The following TRAF6 variants were observed in gnomAD, a reference collection of about 807,000 sequenced individuals.
The protein encoded by TRAF6 is TNF receptor-associated factor 6.
Under a neutral mutation model 48.4 loss-of-function variants are expected in TRAF6, and 10 were observed. The observed-to-expected ratio is 0.21, with a 90% confidence interval of 0.13 to 0.35. TRAF6 has a LOEUF of 0.35. Among genes scored for constraint, TRAF6 ranks in the 10% least tolerant of loss-of-function variants. The pLI is 1.00. For synonymous variants in TRAF6, 186 were observed against 219.6 expected, an observed-to-expected ratio of 0.85 and a Z score of 1.35; for missense variants, 397 against 661.0, an observed-to-expected ratio of 0.60 and a Z score of 4.38.
At position 36,490,689 on chromosome 11, in the gene TRAF6, C is replaced by T; in HGVS notation, c.757-39G>A. 1 of 1,557,382 alleles carries T rather than the reference C, an allele frequency of 6.4e-7. No individual in the cohort carries two copies. The highest frequency in any genetic ancestry group is 1.2e-5 in the South Asian group (1 of 83,084). ...ACAAGCCTTAGGCTGGGAATAGATA[C>T]CGTGAGGAGTAGGAAAAGGACCTGG... On this transcript the variant is annotated intron_variant, in intron 6 of 6. Transcript: ENST00000526995. This position sits in a 1 kb window ranked among gnomAD's most constrained non-coding sequence, Gnocchi z 6.4.
At chr11:36,497,350 T>G in intron 3 of TRAF6, 84 bp from the exon 4 acceptor site, 4 of 1,314,026 alleles carry the variant, frequency 3.0e-6, no homozygotes, top group Non-Finnish European at 4.1e-6. Context: ...TACTGTTCTC[T>G]TTCAGCAGGC....
At chr11:36,492,504 AT>A (rs200644665) in intron 6 of TRAF6, 46 bp downstream of exon 6, 492 of 1,381,946 alleles carry the variant, frequency 3.6e-4, no homozygotes, top group Non-Finnish European at 4.0e-4. Context: ...TGATGTAAAT[AT>A]TTTTTTTTAC....
In TRAF6 at chr11:36,489,691, G is replaced by A. The variant is rs1332975154; in HGVS notation, c.*147C>T. On this transcript the variant is annotated 3_prime_UTR_variant, in exon 7 of 7. Transcript: ENST00000526995. The stretch of plus-strand genomic sequence containing the variant: ...AACTGCCTCAGATCATTTGTAACAG[G>A]AAGAAATAGTAAGTGACCTCTCTAA... The A allele has an allele frequency of 1.1e-6, 1 of 906,630 alleles. No homozygotes were observed. The highest frequency in any genetic ancestry group is 1.7e-6 in the Non-Finnish European group (1 of 589,068). The allele number at this position is 906,630 out of a possible 1,614,324, so 56.2% of individuals were successfully genotyped here. A position where few individuals can be genotyped will look rare whatever the true frequency, so the allele number is the denominator to read the frequency against.
intron 4 of TRAF6, 97 bp downstream of exon 4, chr11:36,497,011 G>A: frequency 7.9e-7 from 1 of 1,271,274 alleles, no homozygotes; most frequent in Non-Finnish European, 1.1e-6. Flanking sequence ...CTCAGAGTCG[G>A]AGTCACATCC....
chr11:36,491,535 T>C (rs1269429758), intron 6 of TRAF6, among the ~76,000 whole-genome samples: 1 of 152,324 alleles, frequency 6.6e-6, no homozygotes, highest in East Asian at 1.9e-4. Flanking sequence ...AAAAGTATAA[T>C]GGAAAACCAA....
Position 36,501,479 on chromosome 11 carries a change from T to C in TRAF6, c.37A>G (p.Ser13Gly). 6.2e-7 allele frequency: 1 copy of C among 1,612,546 alleles called. No homozygotes were observed. The highest frequency in any genetic ancestry group is 8.5e-7 in the Non-Finnish European group (1 of 1,178,746). Residue 13 changes from serine to glycine, a missense_variant, in exon 2 of 7, where the codon AGC becomes GGC. Transcript: ENST00000526995. ...LLNCENSCGSSQSESDCCVAM... is the reference protein window; with the variant it reads ...LLNCENSCGSGQSESDCCVAM... ...ACACAGCAGTCACTTTCAGACTGGC[T>C]GGATCCACAGCTGTTTTCACAGTTT...
chr11:36,501,649 G>C, intron 1 of TRAF6, 112 bp from the exon 2 acceptor site: 2 of 805,178 alleles, frequency 2.5e-6, no homozygotes, highest in Non-Finnish European at 3.6e-6. Context: ...ATGTACATCA[G>C]CTGTATTAAT....
intron 4 of TRAF6, among the ~76,000 whole-genome samples, chr11:36,495,680 G>A (rs1026039623): frequency 6.6e-6 from 1 of 152,090 alleles, no homozygotes; most frequent in African/African-American, 2.4e-5. Flanking sequence ...ATCACCTGAG[G>A]TCAGGAGTTC....
At chr11:36,494,347 T>G (rs1473812792) in intron 5 of TRAF6, among the ~76,000 whole-genome samples, 1 of 152,136 alleles carries the variant, frequency 6.6e-6, no homozygotes, top group Non-Finnish European at 1.5e-5. Flanking sequence ...CACTCCAGCT[T>G]AGGCAACAGA....
chr11:36,501,576 C>T, intron 1 of TRAF6, 39 bp from the exon 2 acceptor site: 2 of 1,383,692 alleles, frequency 1.4e-6, no homozygotes, highest in Non-Finnish European at 2.0e-6. Context: ...TTATAAGTAA[C>T]ACACACACTC....
chr11:36,490,203 G>A lies in TRAF6; in HGVS notation c.1204C>T (p.Arg402Cys), dbSNP rs548543739. 5 of 1,614,156 alleles carry A rather than the reference G, an allele frequency of 3.1e-6. No individual in the cohort carries two copies. Among genetic ancestry groups the A allele is most frequent in the Middle Eastern group, 1.6e-4 (1 of 6,062 alleles). ...AAAAGGGATATATAGTTTGCACAGCGCTGAGCAGTCGGTAACTGAAGGTGC... is the reference window on the plus strand; with the variant it reads ...AAAAGGGATATATAGTTTGCACAGCACTGAGCAGTCGGTAACTGAAGGTGC... ...RLHLQLPTAQRCANYISLFVH... is the reference protein window; with the variant it reads ...RLHLQLPTAQCCANYISLFVH... Residue 402 changes from arginine to cysteine, a missense_variant, in exon 7 of 7, where the codon CGC (arginine) becomes TGC (cysteine). By Grantham distance (180) the Arg-to-Cys change is radical. Coordinates refer to ENST00000526995, the MANE Select transcript of TRAF6 (RefSeq NM_004620.4). This position sits in a 1 kb window ranked among gnomAD's most constrained non-coding sequence, Gnocchi z 6.4.
At position 36,488,577 on chromosome 11, in the gene TRAF6, A is replaced by G. The variant is rs1859519701; in HGVS notation, c.*1261T>C. On this transcript the variant is annotated 3_prime_UTR_variant, in exon 7 of 7. Coordinates refer to ENST00000526995, the MANE Select transcript of TRAF6 (RefSeq NM_004620.4). Reference sequence around the variant, plus strand: ...GTCTCCCTGAGAACTAGATTCCACGATATTTTATATCTATATATAGGCCTT... The same window carrying G: ...GTCTCCCTGAGAACTAGATTCCACGGTATTTTATATCTATATATAGGCCTT... The G allele has an allele frequency of 6.6e-6, 1 of 152,314 alleles. No individual in the cohort carries two copies. The highest frequency in any genetic ancestry group is 6.6e-5 in the Admixed American group (1 of 15,266). The allele number at this position is 152,314 out of a possible 1,614,324, so 9.4% of individuals were successfully genotyped here. A position where few individuals can be genotyped will look rare whatever the true frequency, so the allele number is the denominator to read the frequency against.
chr11:36,488,082 A>G lies in TRAF6; in HGVS notation c.*1756T>C, dbSNP rs1859510811. 6.6e-6 allele frequency: 1 copy of G among 152,216 alleles called. No individual in the cohort carries two copies. Among genetic ancestry groups the G allele is most frequent in the Non-Finnish European group, 1.5e-5 (1 of 68,042 alleles). The allele number at this position is 152,216 out of a possible 1,614,324, so 9.4% of individuals were successfully genotyped here. On this transcript the variant is annotated 3_prime_UTR_variant, in exon 7 of 7. Coordinates refer to ENST00000526995, the MANE Select transcript of TRAF6 (RefSeq NM_004620.4). ...TTGACAATTATTTATTCATTGTAAAATAATCACAGGAACAGCAGCAGTGTA... is the reference window on the plus strand; with the variant it reads ...TTGACAATTATTTATTCATTGTAAAGTAATCACAGGAACAGCAGCAGTGTA...
intron 1 of TRAF6, among the ~76,000 whole-genome samples, chr11:36,509,184 G>A (rs922009733): frequency 6.6e-6 from 1 of 152,214 alleles, no homozygotes. Flanking sequence ...CATGGAACCT[G>A]TGTAACAAGA....
intron 1 of TRAF6, among the ~76,000 whole-genome samples, chr11:36,504,246 G>C (rs1020669215): frequency 6.6e-6 from 1 of 152,144 alleles, no homozygotes; most frequent in Non-Finnish European, 1.5e-5. Context: ...GATGCTGTTT[G>C]ATAGCATTTT....
At chr11:36,495,179 G>A in intron 4 of TRAF6, 132 bp from the exon 5 acceptor site, 1 of 608,428 alleles carries the variant, frequency 1.6e-6, no homozygotes, top group Non-Finnish European at 2.9e-6. Flanking sequence ...AAAAGTGAGT[G>A]AAAGTGAGAG....
intron 6 of TRAF6, among the ~76,000 whole-genome samples, chr11:36,492,228 T>G (rs2133666321): frequency 6.6e-6 from 1 of 152,334 alleles, no homozygotes; most frequent in South Asian, 2.1e-4. Flanking sequence ...TGGGTTGAAC[T>G]AGCACAACAC....
chr11:36,501,058 T>C (rs1859708879), intron 2 of TRAF6, among the ~76,000 whole-genome samples, 162 bp downstream of exon 2: 1 of 152,170 alleles, frequency 6.6e-6, no homozygotes, highest in South Asian at 2.1e-4. Flanking sequence ...CAGTGGAAAC[T>C]GGGATAAGAA....
In TRAF6 at chr11:36,498,650, A is replaced by C. The variant is rs1465296384; in HGVS notation, c.297-10T>G. The C allele has an allele frequency of 3.8e-6, 6 of 1,597,862 alleles. No homozygotes were observed. The highest frequency in any genetic ancestry group is 5.1e-6 in the Non-Finnish European group (6 of 1,174,454). Reference sequence around the variant, plus strand: ...TTTGTGACCTGCATCCCTAACAGAAACAAAATACACACAATTAGATTTAAA... The same window carrying C: ...TTTGTGACCTGCATCCCTAACAGAACCAAAATACACACAATTAGATTTAAA... On this transcript the variant is annotated splice_polypyrimidine_tract_variant and intron_variant, in intron 2 of 6. Coordinates refer to ENST00000526995, the MANE Select transcript of TRAF6 (RefSeq NM_004620.4).
Sources: gnomAD v4.1 joint callset for allele counts (sites outside exome capture counted in the v4.1 genomes callset) on GRCh38, gnomAD v4.1.1 for gene constraint, Gnocchi (gnomAD v3.1) non-coding constraint, MANE v1.5 for transcripts, NCBI Gene and HGNC (gene_info 2026-07-23, HGNC 2026-07-21) for gene names.